The following CNTNAP2 variants were observed in gnomAD, a reference collection of about 807,000 sequenced individuals.
The protein encoded by CNTNAP2 is contactin associated protein 2, also known as contactin-associated protein-like 2.
CNTNAP2 carries 98 observed loss-of-function variants against 155.2 expected under a neutral mutation model. That is an observed-to-expected ratio of 0.63 (90% CI 0.54 to 0.75). CNTNAP2 has a LOEUF of 0.75. CNTNAP2 is among the 30% of genes least tolerant of loss of function. The pLI is 0.00. For missense variants in CNTNAP2, 1,727 were observed against 1,688.1 expected (o/e 1.02, Z -0.40); for synonymous variants, 651 against 631.2 (o/e 1.03, Z -0.47).
rs535727791 is a variant in CNTNAP2, at chr7:147,366,814, C to G, written c.1499-28795C>G. Among the ~76,000 whole-genome samples, 60 of 89,942 alleles carry G rather than the reference C, an allele frequency of 6.7e-4. 1 individual carries two copies. The South Asian group carries it at 0.016, about 24-fold the overall frequency. The allele number at this position is 89,942 out of a possible 152,430, so 59.0% of individuals were successfully genotyped here. A position where few individuals can be genotyped will look rare whatever the true frequency, so the allele number is the denominator to read the frequency against. ...ACACACACACACACACACACACACC[C>G]CAATGTTTATTAGTGATTTCTAATA... is the stretch of plus-strand genomic sequence containing the variant. On this transcript the variant is annotated intron_variant, in intron 9 of 23. Coordinates refer to ENST00000361727, the MANE Select transcript of CNTNAP2 (RefSeq NM_014141.6).
intron 4 of CNTNAP2, among the ~76,000 whole-genome samples, chr7:147,073,041 A>G (rs1280208197): frequency 6.7e-6 from 1 of 149,682 alleles, no homozygotes; most frequent in Non-Finnish European, 1.5e-5. Flanking sequence ...TTTAGTAGAG[A>G]TGGGGTTTCA....
chr7:146,384,580 T>C (rs559231180), intron 1 of CNTNAP2, among the ~76,000 whole-genome samples: 1 of 152,332 alleles, frequency 6.6e-6, no homozygotes, highest in African/African-American at 2.4e-5. Flanking sequence ...AACCAAAAGG[T>C]ATTTGTTCTC....
chr7:147,158,200 C>T (rs1801962236), intron 8 of CNTNAP2, among the ~76,000 whole-genome samples: 3 of 152,044 alleles, frequency 2.0e-5, no homozygotes, highest in South Asian at 4.1e-4. Context: ...AATAACTCTA[C>T]ATTTTAGGTT....
rs1563077631 is a variant in CNTNAP2, at chr7:148,409,818, GAGGCGGGC to G, written c.3796+348_3796+355del. Among the ~76,000 whole-genome samples, 79 of 96,048 alleles carry G rather than the reference GAGGCGGGC, an allele frequency of 8.2e-4. 2 individuals are homozygous for G. Among genetic ancestry groups the G allele is most frequent in the Middle Eastern group, 4.3e-3 (1 of 232 alleles). 63.0% of individuals were successfully genotyped at this position (96,048 alleles called of 152,430 possible). On this transcript the variant is annotated intron_variant, in intron 23 of 23. Transcript: ENST00000361727. Reference sequence around the variant, plus strand: ...TGTAATCCCAGCACTTTGGGAGGCCGAGGCGGGCGGATCACAAGGTCAGGAGATCGAGA... The same window carrying G: ...TGTAATCCCAGCACTTTGGGAGGCCGGGATCACAAGGTCAGGAGATCGAGA...
intron 3 of CNTNAP2, among the ~76,000 whole-genome samples, chr7:146,902,764 C>A (rs904933903): frequency 6.6e-6 from 1 of 152,210 alleles, no homozygotes; most frequent in African/African-American, 2.4e-5. Flanking sequence ...ACTTTCTTAT[C>A]CCCACCAATA....
At chr7:146,295,059 A>G (rs2129087264) in intron 1 of CNTNAP2, among the ~76,000 whole-genome samples, 1 of 152,348 alleles carries the variant, frequency 6.6e-6, no homozygotes, top group African/African-American at 2.4e-5. Context: ...ATATTCAGTT[A>G]TAGAATTCCA....
chr7:147,656,928 T>C (rs1795534263), intron 13 of CNTNAP2, among the ~76,000 whole-genome samples: 1 of 152,194 alleles, frequency 6.6e-6, no homozygotes, highest in Non-Finnish European at 1.5e-5. Context: ...AGTGCCTATG[T>C]CTCTGTGTGG....
intron 19 of CNTNAP2, 100 bp downstream of exon 19, chr7:148,217,624 C>A: frequency 1.5e-6 from 2 of 1,305,808 alleles, no homozygotes; most frequent in Non-Finnish European, 1.1e-6. Context: ...ATTTATTCCC[C>A]ATAGGCTTTT....
chr7:147,615,446 TA>T (rs61409986), intron 12 of CNTNAP2, among the ~76,000 whole-genome samples: 98,678 of 150,508 alleles, frequency 0.66, 32,633 homozygotes, highest in African/African-American at 0.74. Context: ...AAAAAACTGT[TA>T]AAAAAAAAGA....
chr7:147,564,893 C>A (rs190627222), intron 12 of CNTNAP2, among the ~76,000 whole-genome samples: 2 of 152,208 alleles, frequency 1.3e-5, no homozygotes, highest in Admixed American at 6.5e-5. Flanking sequence ...GTTCAAGGAC[C>A]CTTGAAGAAT....
In CNTNAP2 at chr7:148,350,555, T is replaced by G. The variant is rs570773663; in HGVS notation, c.3476-33094T>G. ...TTTCAATGGGGTCGATAATACTGTCTCTGACACTAGGTGTTTGTAACCACA... is the reference window on the plus strand; with the variant it reads ...TTTCAATGGGGTCGATAATACTGTCGCTGACACTAGGTGTTTGTAACCACA... On this transcript the variant is annotated intron_variant, in intron 21 of 23. Transcript: ENST00000361727. 4.6e-5 allele frequency among the ~76,000 whole-genome samples: 7 copies of G among 152,372 alleles called. No homozygotes were observed. In the South Asian group the frequency reaches 1.4e-3, roughly 32 times the overall value.
chr7:147,302,805 C>T (rs1275906477), intron 9 of CNTNAP2, among the ~76,000 whole-genome samples: 1 of 152,176 alleles, frequency 6.6e-6, no homozygotes, highest in African/African-American at 2.4e-5. Flanking sequence ...ATAGCTTTGC[C>T]CCCAGAGGGC....
chr7:146,357,947 C>T (rs1199553229), intron 1 of CNTNAP2, among the ~76,000 whole-genome samples: 1 of 151,456 alleles, frequency 6.6e-6, no homozygotes, highest in East Asian at 1.9e-4. Flanking sequence ...TATACAACCA[C>T]ACATTAAAGA....
chr7:146,251,666 G>T (rs911306954), intron 1 of CNTNAP2, among the ~76,000 whole-genome samples: 1 of 152,088 alleles, frequency 6.6e-6, no homozygotes, highest in Non-Finnish European at 1.5e-5. Flanking sequence ...ATGAATCAGA[G>T]GATGAAGTAA....
intron 3 of CNTNAP2, among the ~76,000 whole-genome samples, chr7:146,977,221 G>A (rs1284899130): frequency 6.6e-6 from 1 of 152,022 alleles, no homozygotes; most frequent in Non-Finnish European, 1.5e-5. Flanking sequence ...AATGAGTGAA[G>A]AATAATACTT....
intron 8 of CNTNAP2, among the ~76,000 whole-genome samples, chr7:147,234,546 A>T (rs1490241993): frequency 6.6e-6 from 1 of 151,950 alleles, no homozygotes; most frequent in African/African-American, 2.4e-5. Flanking sequence ...TCACCGTGTT[A>T]GCCAGGATGG....
At chr7:146,820,326 TA>T (rs1300980917) in intron 2 of CNTNAP2, among the ~76,000 whole-genome samples, 2 of 152,108 alleles carry the variant, frequency 1.3e-5, no homozygotes, top group South Asian at 2.1e-4. Context: ...GAGGAATTAA[TA>T]AAAAAATTAT....
intron 15 of CNTNAP2, among the ~76,000 whole-genome samples, chr7:148,052,512 C>G (rs1049638608): frequency 2.6e-5 from 4 of 152,074 alleles, no homozygotes; most frequent in Non-Finnish European, 5.9e-5. Flanking sequence ...TTTTGACAAG[C>G]AATTTTGCAA....
At chr7:147,735,427 G>A (rs554062507) in intron 13 of CNTNAP2, among the ~76,000 whole-genome samples, 48 of 152,282 alleles carry the variant, frequency 3.2e-4, no homozygotes, top group Non-Finnish European at 5.6e-4. Flanking sequence ...TTGCTGAGGG[G>A]TGCTTTACTT....
Sources: allele counts gnomAD v4.1 joint callset (sites outside exome capture counted in the v4.1 genomes callset), GRCh38; gene constraint gnomAD v4.1.1; transcripts MANE v1.5; gene names NCBI Gene and HGNC (gene_info 2026-07-23, HGNC 2026-07-21).